Variants in KATNBL1 observed in about 807,000 individuals in gnomAD.
The protein encoded by KATNBL1 is katanin regulatory subunit B1 like 1.
KATNBL1 carries 28 observed loss-of-function variants against 44.7 expected under a neutral mutation model. That is an observed-to-expected ratio of 0.63 (90% CI 0.46 to 0.86). The LOEUF (loss-of-function observed/expected upper bound fraction) is 0.86, where lower values mean the gene tolerates loss of function less well. KATNBL1 is among the 40% of genes least tolerant of loss of function. The probability of loss-of-function intolerance (pLI) is 0.00; values close to 1 mark genes in which losing one functional copy is unlikely to be tolerated. For missense variants in KATNBL1, 272 were observed against 350.7 expected (o/e 0.78, Z 1.79); for synonymous variants, 78 against 114.9 (o/e 0.68, Z 2.06).
chr15:34,202,049 T>C (rs529749692), intron 1 of KATNBL1, among the ~76,000 whole-genome samples: 27 of 152,324 alleles, frequency 1.8e-4, no homozygotes, highest in African/African-American at 6.3e-4. Context: ...CATCCTCGGA[T>C]TGTGATATCA....
At chr15:34,150,039 G>C (rs906415307) in intron 4 of KATNBL1, among the ~76,000 whole-genome samples, 9 of 152,130 alleles carry the variant, frequency 5.9e-5, no homozygotes, top group Non-Finnish European at 8.8e-5. Flanking sequence ...TTTACAATTG[G>C]AACAGCTAGG....
chr15:34,204,194 A>C (rs986199945), intron 1 of KATNBL1, among the ~76,000 whole-genome samples: 1 of 152,078 alleles, frequency 6.6e-6, no homozygotes, highest in Non-Finnish European at 1.5e-5. Context: ...ACATGAACTG[A>C]GGAAAAATAA....
Position 34,140,953 on chromosome 15 carries a change from G to C in KATNBL1, c.*1386C>G, listed in dbSNP as rs1205876540. 6.6e-6 allele frequency: 1 copy of C among 152,148 alleles called. No homozygotes were observed. Among genetic ancestry groups the C allele is most frequent in the Non-Finnish European group, 1.5e-5 (1 of 67,996 alleles). The allele number at this position is 152,148 out of a possible 1,614,324, so 9.4% of individuals were successfully genotyped here. A position where few individuals can be genotyped will look rare whatever the true frequency, so the allele number is the denominator to read the frequency against. ...ACTTTTAAGAGCAAGAAATCTGCTT[G>C]AGATTCGTATCAGTAGTCATTAAAC... On this transcript the variant is annotated 3_prime_UTR_variant, in exon 10 of 10. Transcript: ENST00000256544.
rs531339661 is a variant in KATNBL1, at chr15:34,184,305, C to CA, written c.-14-20616dup. On this transcript the variant is annotated intron_variant, in intron 1 of 9. Transcript: ENST00000256544. ...TGGACGACAGAGCGAGACTCTGTCT[C>CA]AAAAAAAAAAAATTAGCTGGGCGTG... Among the ~76,000 whole-genome samples the CA allele has an allele frequency of 1.4e-3, 185 of 129,024 alleles. 3 individuals are homozygous for CA. Among genetic ancestry groups the CA allele is most frequent in the East Asian group, 0.014 (63 of 4,480 alleles). 84.6% of individuals were successfully genotyped at this position (129,024 alleles called of 152,430 possible).
chr15:34,141,997 T>C lies in KATNBL1; in HGVS notation c.*342A>G. ...GTAAGTCCTGTCTTATTTTTTCACA[T>C]AGTATAAATTATATTTTTATGCAGG... On this transcript the variant is annotated 3_prime_UTR_variant, in exon 10 of 10. Coordinates refer to ENST00000256544, the MANE Select transcript of KATNBL1 (RefSeq NM_024713.3). 5.8e-6 allele frequency: 1 copy of C among 173,228 alleles called. No individual in the cohort carries two copies. Among genetic ancestry groups the C allele is most frequent in the South Asian group, 2.0e-4 (1 of 5,066 alleles). The allele number at this position is 173,228 out of a possible 1,614,324, so 10.7% of individuals were successfully genotyped here.
At chr15:34,186,614 A>G (rs1889723665) in intron 1 of KATNBL1, among the ~76,000 whole-genome samples, 1 of 152,162 alleles carries the variant, frequency 6.6e-6, no homozygotes, top group Admixed American at 6.5e-5. Context: ...CTGCCCTCCC[A>G]GGCACAGGAC....
intron 9 of KATNBL1, among the ~76,000 whole-genome samples, chr15:34,143,546 G>T (rs1342021352): frequency 1.3e-5 from 2 of 151,788 alleles, no homozygotes; most frequent in Non-Finnish European, 2.9e-5. Context: ...CTTCTATACA[G>T]AATGCAACAA....
chr15:34,188,864 T>G (rs928496828), intron 1 of KATNBL1, among the ~76,000 whole-genome samples: 2 of 152,222 alleles, frequency 1.3e-5, no homozygotes, highest in Admixed American at 6.5e-5. Flanking sequence ...TGTCAGCTGC[T>G]TTTTGGAAAG....
chr15:34,159,384 G>T (rs1228792376), intron 2 of KATNBL1, among the ~76,000 whole-genome samples: 2 of 152,152 alleles, frequency 1.3e-5, no homozygotes, highest in Non-Finnish European at 2.9e-5. Context: ...TAACAACAGG[G>T]TGGGTGGTTT....
At chr15:34,177,635 A>AAAAAAAAAAAAG (rs1889376417) in intron 1 of KATNBL1, among the ~76,000 whole-genome samples, 1 of 150,642 alleles carries the variant, frequency 6.6e-6, no homozygotes, top group Admixed American at 6.6e-5. Context: ...CTCTGTCTTA[A>AAAAAAAAAAAAG]AAAAAAAAAG....
At chr15:34,163,137 G>A (rs190794327) in intron 2 of KATNBL1, among the ~76,000 whole-genome samples, 254 of 149,774 alleles carry the variant, frequency 1.7e-3, no homozygotes, top group Non-Finnish European at 2.0e-3. Context: ...TCCACCGCCC[G>A]GGTTCAAGTG....
chr15:34,198,820 C>T (rs1394413432), intron 1 of KATNBL1, among the ~76,000 whole-genome samples: 1 of 152,156 alleles, frequency 6.6e-6, no homozygotes, highest in East Asian at 1.9e-4. Flanking sequence ...CAAAAAGTAA[C>T]AAGGTAAATG....
At chr15:34,170,003 G>A (rs1025258133) in intron 1 of KATNBL1, among the ~76,000 whole-genome samples, 1 of 152,114 alleles carries the variant, frequency 6.6e-6, no homozygotes. Context: ...GCAAAAACTG[G>A]AAGCATTCCC....
At position 34,210,092 on chromosome 15, in the gene KATNBL1, T is replaced by G. The variant is rs893236406; in HGVS notation, c.-156A>C. ...CGGCCGCGCGCGCGGCCCGCCGGGA[T>G]AGCTGGCGCTGTGGGCGGCTCGCGG... On this transcript the variant is annotated 5_prime_UTR_variant, in exon 1 of 10. Coordinates refer to ENST00000256544, the MANE Select transcript of KATNBL1 (RefSeq NM_024713.3). 4.0e-4 allele frequency: 61 copies of G among 151,926 alleles called. No homozygotes were observed. The highest frequency in any genetic ancestry group is 1.3e-3 in the African/African-American group (52 of 41,480). The allele number at this position is 151,926 out of a possible 1,614,324, so 9.4% of individuals were successfully genotyped here.
At chr15:34,182,809 A>G (rs1308439237) in intron 1 of KATNBL1, among the ~76,000 whole-genome samples, 3 of 152,328 alleles carry the variant, frequency 2.0e-5, no homozygotes, top group East Asian at 1.9e-4. Context: ...ATAAATATGG[A>G]TAAGAAAAAT....
intron 1 of KATNBL1, among the ~76,000 whole-genome samples, chr15:34,205,954 C>G (rs1332942774): frequency 6.6e-6 from 1 of 152,110 alleles, no homozygotes; most frequent in Non-Finnish European, 1.5e-5. Context: ...ATTAATCACA[C>G]TAAGATGTAA....
At chr15:34,205,550 C>T (rs1263001308) in intron 1 of KATNBL1, among the ~76,000 whole-genome samples, 1 of 152,078 alleles carries the variant, frequency 6.6e-6, no homozygotes, top group Non-Finnish European at 1.5e-5. Context: ...GGGCAGTAAT[C>T]GCTTAATAGT....
chr15:34,148,416 C>T, intron 5 of KATNBL1: 1 of 359,932 alleles, frequency 2.8e-6, no homozygotes, highest in Non-Finnish European at 5.2e-6. Context: ...GACCTCATGT[C>T]TTCCAAAAAA....
intron 9 of KATNBL1, among the ~76,000 whole-genome samples, chr15:34,143,985 A>AT (rs1361430024): frequency 1.3e-5 from 2 of 150,682 alleles, no homozygotes; most frequent in East Asian, 3.9e-4. Context: ...AAAAAAAAAA[A>AT]AAAGAATTCT....
Sources: allele counts gnomAD v4.1 joint callset (sites outside exome capture counted in the v4.1 genomes callset), GRCh38; gene constraint gnomAD v4.1.1; transcripts MANE v1.5; gene names NCBI Gene and HGNC (gene_info 2026-07-23, HGNC 2026-07-21).